Variants in MVB12B observed in about 807,000 individuals in gnomAD.
MVB12B encodes the protein ESCRT-I complex subunit MVB12B.
A neutral mutation model predicts 41.6 loss-of-function variants in MVB12B; 16 were observed. The observed-to-expected ratio is 0.38, with a 90% confidence interval of 0.26 to 0.58. The LOEUF (loss-of-function observed/expected upper bound fraction) is 0.58. Among genes scored for constraint, MVB12B ranks in the 20% least tolerant of loss-of-function variants. The probability of loss-of-function intolerance (pLI) is 0.62; values close to 1 mark genes in which losing one functional copy is unlikely to be tolerated. For missense variants in MVB12B, 274 were observed against 380.2 expected, an observed-to-expected ratio of 0.72 and a Z score of 2.32; for synonymous variants, 133 against 139.7, an observed-to-expected ratio of 0.95 and a Z score of 0.34.
At chr9:126,347,088 G>A (rs1404899022) in intron 2 of MVB12B, among the ~76,000 whole-genome samples, 1 of 152,336 alleles carries the variant, frequency 6.6e-6, no homozygotes, top group East Asian at 1.9e-4. Flanking sequence ...GGAAAGTGTC[G>A]AATGTGTCTA....
Position 126,326,965 on chromosome 9 carries a change from CCCGCCGCCGCCGCAGCCA to C in MVB12B, c.50_67del (p.Gln17_Pro22del), listed in dbSNP as rs776470041. The stretch of plus-strand genomic sequence containing the variant: ...GCTTCTGCGTGAGACGGAGCCGGGA[CCCGCCGCCGCCGCAGCCA>C]CCGCCGCCGCCGCCCCAGCGGGGAA... On this transcript the variant is annotated inframe_deletion, in exon 1 of 10. Transcript: ENST00000361171. The C allele has an allele frequency of 8.3e-5, 22 of 264,256 alleles. No homozygotes were observed. Among genetic ancestry groups the C allele is most frequent in the South Asian group, 1.3e-4 (4 of 30,956 alleles). The allele number at this position is 264,256 out of a possible 1,614,324, so 16.4% of individuals were successfully genotyped here.
Position 126,392,180 on chromosome 9 carries a change from A to G in MVB12B, c.524A>G (p.Gln175Arg). The G allele has an allele frequency of 1.9e-6, 3 of 1,614,176 alleles. No homozygotes were observed. Among genetic ancestry groups the G allele is most frequent in the Non-Finnish European group, 2.5e-6 (3 of 1,180,030 alleles). Residue 175 changes from glutamine to arginine, a missense_variant, in exon 5 of 10, where the codon CAG (glutamine) becomes CGG (arginine). Gln to Arg is a conservative substitution (Grantham distance 43, BLOSUM62 1). Coordinates refer to ENST00000361171, the MANE Select transcript of MVB12B (RefSeq NM_033446.3). This position sits in a 1 kb window ranked among gnomAD's most constrained non-coding sequence, Gnocchi z 4.8. ...GGCCGGACCAAGCAGGCCCCGCCTCAGTACACGTTTATTGGGTGAGTCTTA... is the reference window on the plus strand; with the variant it reads ...GGCCGGACCAAGCAGGCCCCGCCTCGGTACACGTTTATTGGGTGAGTCTTA... Reference protein sequence around the residue: ...IMGRTKQAPPQYTFIGELNSM... With the variant: ...IMGRTKQAPPRYTFIGELNSM...
intron 2 of MVB12B, among the ~76,000 whole-genome samples, chr9:126,346,470 A>G (rs1199021478): frequency 1.3e-5 from 2 of 152,078 alleles, no homozygotes; most frequent in Non-Finnish European, 2.9e-5. Context: ...ACAGGAGCAG[A>G]GACAGCCAGG....
chr9:126,421,073 G>A (rs1285739529), intron 6 of MVB12B, among the ~76,000 whole-genome samples: 1 of 152,046 alleles, frequency 6.6e-6, no homozygotes, highest in Non-Finnish European at 1.5e-5. Context: ...GTCCTGTTGG[G>A]TTTTAAATAT....
rs536171957 is a variant in MVB12B at position 126,503,332 on chromosome 9, GCCT to G, written c.*76_*78del. The G allele has an allele frequency of 5.8e-4, 735 of 1,272,780 alleles. 6 individuals carry two copies. The South Asian group carries it at 7.4e-3, about 13-fold the overall frequency. The allele number at this position is 1,272,780 out of a possible 1,614,324, so 78.8% of individuals were successfully genotyped here. On this transcript the variant is annotated 3_prime_UTR_variant, in exon 10 of 10. Transcript: ENST00000361171. ...ACTGACGGCAGGGGCTGCTGCCCCC[GCCT>G]CCTCCTGCCGCCTCCGCCAGCCCTC... is the stretch of plus-strand genomic sequence containing the variant.
At chr9:126,446,527 A>AT (rs1327434973) in intron 7 of MVB12B, among the ~76,000 whole-genome samples, 1 of 151,692 alleles carries the variant, frequency 6.6e-6, no homozygotes, top group African/African-American at 2.4e-5. Context: ...AAAAAAAAAA[A>AT]AATCCTGTCT....
intron 7 of MVB12B, among the ~76,000 whole-genome samples, chr9:126,453,481 A>G (rs919737965): frequency 6.6e-6 from 1 of 152,144 alleles, no homozygotes; most frequent in Non-Finnish European, 1.5e-5. Context: ...TGGAGGTCCT[A>G]GTGACTTCTT....
chr9:126,385,997 G>A (rs947782937), intron 3 of MVB12B, among the ~76,000 whole-genome samples: 9 of 152,186 alleles, frequency 5.9e-5, no homozygotes, highest in East Asian at 1.9e-4. Flanking sequence ...GCCCTTGTGC[G>A]TGTCATTTTA....
At chr9:126,378,640 C>T (rs1168906551) in intron 2 of MVB12B, among the ~76,000 whole-genome samples, 1 of 152,066 alleles carries the variant, frequency 6.6e-6, no homozygotes, top group Non-Finnish European at 1.5e-5. Flanking sequence ...GTCTCTCTCT[C>T]TCTCTCTCTC....
At chr9:126,476,396 G>A (rs897291850) in intron 7 of MVB12B, among the ~76,000 whole-genome samples, 1 of 152,320 alleles carries the variant, frequency 6.6e-6, no homozygotes, top group East Asian at 1.9e-4. Context: ...GCAGACAAAC[G>A]GGAAGTGCCT....
At chr9:126,417,392 T>C (rs1297419956) in intron 6 of MVB12B, among the ~76,000 whole-genome samples, 5 of 152,220 alleles carry the variant, frequency 3.3e-5, no homozygotes, top group East Asian at 3.8e-4. Context: ...TTCTTTTTTT[T>C]CCCTTCTTGT....
At chr9:126,371,074 A>G (rs1408786416) in intron 2 of MVB12B, among the ~76,000 whole-genome samples, 1 of 152,160 alleles carries the variant, frequency 6.6e-6, no homozygotes, top group African/African-American at 2.4e-5. Context: ...TCTGGGTACT[A>G]TTGATTGACT....
chr9:126,437,015 CT>C (rs903364321), intron 7 of MVB12B, among the ~76,000 whole-genome samples: 4 of 152,160 alleles, frequency 2.6e-5, no homozygotes, highest in African/African-American at 9.7e-5. Flanking sequence ...AGAGAGCTGT[CT>C]TATGGTACTG....
intron 2 of MVB12B, among the ~76,000 whole-genome samples, chr9:126,371,551 G>T (rs543718855): frequency 6.6e-6 from 1 of 152,166 alleles, no homozygotes; most frequent in African/African-American, 2.4e-5. Flanking sequence ...TCCCCTCTGT[G>T]CCTGGCATGG....
intron 6 of MVB12B, among the ~76,000 whole-genome samples, chr9:126,406,324 A>T (rs1036531650): frequency 6.6e-6 from 1 of 152,222 alleles, no homozygotes; most frequent in South Asian, 2.1e-4. Flanking sequence ...CTCTTCAGTC[A>T]TGGCTGTATT....
intron 2 of MVB12B, among the ~76,000 whole-genome samples, chr9:126,348,411 G>A (rs2109912): frequency 0.32 from 48,248 of 152,032 alleles, 7,907 homozygotes; most frequent in South Asian, 0.43. Context: ...TGTGCAGGAG[G>A]CAAACATCAG....
chr9:126,416,422 C>G (rs1340529061), intron 6 of MVB12B, among the ~76,000 whole-genome samples: 1 of 152,174 alleles, frequency 6.6e-6, no homozygotes, highest in Admixed American at 6.5e-5. Context: ...AACTGGTTTG[C>G]CTCCCTGGGT....
chr9:126,414,677 T>G (rs1040749454), intron 6 of MVB12B, among the ~76,000 whole-genome samples: 3 of 152,122 alleles, frequency 2.0e-5, no homozygotes, highest in Non-Finnish European at 4.4e-5. Context: ...CTCCTCAGTC[T>G]GCTGGGGAGC....
At chr9:126,413,164 T>C (rs1216527660) in intron 6 of MVB12B, among the ~76,000 whole-genome samples, 1 of 152,212 alleles carries the variant, frequency 6.6e-6, no homozygotes, top group Non-Finnish European at 1.5e-5. Flanking sequence ...GTCTGCATAA[T>C]ATTCTGAGTC....
Sources: gnomAD v4.1 joint callset for allele counts (sites outside exome capture counted in the v4.1 genomes callset) on GRCh38, gnomAD v4.1.1 for gene constraint, Gnocchi (gnomAD v3.1) non-coding constraint, MANE v1.5 for transcripts, NCBI Gene and HGNC (gene_info 2026-07-23, HGNC 2026-07-21) for gene names.